The following PPFIA2 variants were observed in gnomAD, a reference collection of about 807,000 sequenced individuals.
The protein encoded by PPFIA2 is liprin-alpha-2.
PPFIA2 carries 46 observed loss-of-function variants against 175.5 expected under a neutral mutation model. The ratio of observed to expected loss-of-function variants is 0.26; its 90% confidence interval spans 0.21 to 0.34. The LOEUF (loss-of-function observed/expected upper bound fraction) is 0.34, where lower values mean the gene tolerates loss of function less well. Among genes scored for constraint, PPFIA2 ranks in the 10% least tolerant of loss-of-function variants. The probability of loss-of-function intolerance (pLI) is 1.00; values close to 1 mark genes in which losing one functional copy is unlikely to be tolerated. For synonymous variants in PPFIA2, 568 were observed against 511.4 expected, an observed-to-expected ratio of 1.11 and a Z score of -1.49; for missense variants, 1,179 against 1,506.1, an observed-to-expected ratio of 0.78 and a Z score of 3.60.
chr12:81,507,107 C>G (rs1476494100), intron 4 of PPFIA2, among the ~76,000 whole-genome samples: 1 of 152,094 alleles, frequency 6.6e-6, no homozygotes, highest in Non-Finnish European at 1.5e-5. Context: ...ATGAGCAATG[C>G]TGGCTGACAG....
intron 20 of PPFIA2, 120 bp downstream of exon 20, chr12:81,340,958 G>T (rs1303483940): frequency 4.6e-6 from 5 of 1,082,572 alleles, no homozygotes; most frequent in Admixed American, 3.2e-5. Flanking sequence ...GGAAAGGGAA[G>T]CTGGAGAATT....
intron 7 of PPFIA2, among the ~76,000 whole-genome samples, chr12:81,419,235 C>A (rs2045847080): frequency 6.6e-6 from 1 of 151,914 alleles, no homozygotes; most frequent in South Asian, 2.1e-4. Context: ...CTTACTAACA[C>A]TGAAATTAAA....
intron 3 of PPFIA2, among the ~76,000 whole-genome samples, chr12:81,737,121 C>CAA (rs201957973): frequency 6.8e-6 from 1 of 146,872 alleles, no homozygotes; most frequent in South Asian, 2.2e-4. Context: ...TTAATAAAGG[C>CAA]AAAAAAAAAC....
intron 4 of PPFIA2, among the ~76,000 whole-genome samples, chr12:81,591,285 T>C (rs1421994314): frequency 6.6e-6 from 1 of 152,152 alleles, no homozygotes; most frequent in African/African-American, 2.4e-5. Flanking sequence ...AAGAGGTGAC[T>C]TGGGTGTTGT....
intron 11 of PPFIA2, among the ~76,000 whole-genome samples, chr12:81,370,502 A>G (rs1442581434): frequency 1.3e-5 from 2 of 152,032 alleles, no homozygotes; most frequent in South Asian, 2.1e-4. Flanking sequence ...TTATCAATTG[A>G]CAACAATGCT....
At chr12:81,401,076 A>C (rs2042017091) in intron 8 of PPFIA2, among the ~76,000 whole-genome samples, 1 of 152,098 alleles carries the variant, frequency 6.6e-6, no homozygotes, top group Non-Finnish European at 1.5e-5. Flanking sequence ...TAATGTCTTC[A>C]CCACTCACCT....
intron 7 of PPFIA2, among the ~76,000 whole-genome samples, chr12:81,429,792 G>A (rs1285351506): frequency 6.6e-6 from 1 of 152,050 alleles, no homozygotes. Context: ...TACCATTGGA[G>A]AATCCATGTT....
chr12:81,642,700 GTA>G (rs751847830), intron 4 of PPFIA2, among the ~76,000 whole-genome samples: 33 of 1,848 alleles, frequency 0.018, 4 homozygotes, highest in Non-Finnish European at 0.024. Context: ...ATACATACAT[GTA>G]TATGTATGTA....
chr12:81,636,219 T>A (rs2063994762), intron 4 of PPFIA2, among the ~76,000 whole-genome samples: 1 of 151,972 alleles, frequency 6.6e-6, no homozygotes, highest in Non-Finnish European at 1.5e-5. Flanking sequence ...CGCCAGTTAA[T>A]AGTCCTCAAA....
At chr12:81,527,775 G>T (rs1328249918) in intron 4 of PPFIA2, among the ~76,000 whole-genome samples, 1 of 152,044 alleles carries the variant, frequency 6.6e-6, no homozygotes, top group African/African-American at 2.4e-5. Context: ...AGAATTAGAT[G>T]ATGTCATGAG....
intron 8 of PPFIA2, among the ~76,000 whole-genome samples, chr12:81,390,435 CTTA>C (rs1431379132): frequency 2.0e-5 from 3 of 151,988 alleles, no homozygotes; most frequent in Non-Finnish European, 2.9e-5. Context: ...TTCACCAAAA[CTTA>C]TTATTGTCTA....
intron 9 of PPFIA2, among the ~76,000 whole-genome samples, chr12:81,377,406 G>C (rs1471779502): frequency 6.6e-6 from 1 of 151,892 alleles, no homozygotes; most frequent in Non-Finnish European, 1.5e-5. Flanking sequence ...AAAAAACTTA[G>C]CTGGGCATCA....
At chr12:81,438,125 G>C (rs1006674824) in intron 7 of PPFIA2, among the ~76,000 whole-genome samples, 1 of 152,084 alleles carries the variant, frequency 6.6e-6, no homozygotes, top group Non-Finnish European at 1.5e-5. Flanking sequence ...TTATGGCTGG[G>C]ACAAAGAAAA....
At chr12:81,470,776 C>T (rs1014641709) in intron 4 of PPFIA2, among the ~76,000 whole-genome samples, 1 of 152,112 alleles carries the variant, frequency 6.6e-6, no homozygotes, top group Non-Finnish European at 1.5e-5. Flanking sequence ...TGATATCTGA[C>T]CTCTTAACAG....
intron 3 of PPFIA2, among the ~76,000 whole-genome samples, chr12:81,677,831 T>C (rs1333482247): frequency 1.3e-5 from 2 of 151,914 alleles, no homozygotes; most frequent in Non-Finnish European, 2.9e-5. Context: ...TGATAAGCTG[T>C]AGAGGCTGTG....
chr12:81,626,234 G>A (rs913296260), intron 4 of PPFIA2, among the ~76,000 whole-genome samples: 34 of 151,394 alleles, frequency 2.2e-4, no homozygotes, highest in African/African-American at 7.5e-4. Context: ...GTGGGATGGG[G>A]GCTCTAAAGC....
chr12:81,408,764 G>C (rs2043376647), intron 7 of PPFIA2, among the ~76,000 whole-genome samples: 1 of 152,126 alleles, frequency 6.6e-6, no homozygotes, highest in Admixed American at 6.6e-5. Flanking sequence ...TGCAAACTTT[G>C]TTTTGTAAAA....
chr12:81,266,455 G>A (rs977739308), intron 30 of PPFIA2, among the ~76,000 whole-genome samples: 1 of 152,028 alleles, frequency 6.6e-6, no homozygotes, highest in Admixed American at 6.5e-5. Flanking sequence ...TTCTATGACT[G>A]TTAAAATGTT....
At chr12:81,642,728 C>CGTGT (rs1296169351) in intron 4 of PPFIA2, among the ~76,000 whole-genome samples, 175 of 11,318 alleles carry the variant, frequency 0.015, 58 homozygotes, top group Non-Finnish European at 0.023. Context: ...TATATACATA[C>CGTGT]ATGTATATGT....
Sources: allele counts gnomAD v4.1 joint callset (sites outside exome capture counted in the v4.1 genomes callset), GRCh38; gene constraint gnomAD v4.1.1; transcripts MANE v1.5; gene names NCBI Gene and HGNC (gene_info 2026-07-23, HGNC 2026-07-21).